NFATC1: variants seen among roughly 807,000 people sequenced by gnomAD.
The protein encoded by NFATC1 is nuclear factor of activated T-cells, cytoplasmic 1.
Under a neutral mutation model 76.0 loss-of-function variants are expected in NFATC1, and 22 were observed. The observed-to-expected ratio is 0.29, with a 90% confidence interval of 0.21 to 0.41. The LOEUF is 0.41. Among genes scored for constraint, NFATC1 ranks in the 10% least tolerant of loss-of-function variants. The pLI, the probability that NFATC1 is intolerant of heterozygous loss-of-function variation, is 1.00. For missense variants in NFATC1, 1,357 were observed against 1,337.7 expected, an observed-to-expected ratio of 1.01 and a Z score of -0.23; for synonymous variants, 704 against 613.1, an observed-to-expected ratio of 1.15 and a Z score of -2.19.
intron 6 of NFATC1, among the ~76,000 whole-genome samples, chr18:79,457,169 C>T (rs986989738): frequency 2.0e-5 from 3 of 152,208 alleles, no homozygotes; most frequent in Non-Finnish European, 1.5e-5. Context: ...GACAGGTGGC[C>T]GGGCTGAACC....
At chr18:79,437,491 C>T (rs567793415) in intron 3 of NFATC1, among the ~76,000 whole-genome samples, 2 of 152,340 alleles carry the variant, frequency 1.3e-5, no homozygotes, top group East Asian at 1.9e-4. Flanking sequence ...CTGCCGATGC[C>T]GGGACCTCGC....
rs57725273 is a variant in NFATC1 at position 79,518,379 on chromosome 18, G to C, written c.2783-9149G>C. The stretch of plus-strand genomic sequence containing the variant: ...GGGGCACACGCCCACAGTAGAACAT[G>C]TGGAAGCTGAGTGTGGCAGTGTAAA... On this transcript the variant is annotated intron_variant, in intron 9 of 9. Transcript: ENST00000427363. Among the ~76,000 whole-genome samples the C allele has an allele frequency of 8.3e-3, 1,269 of 152,344 alleles. 19 individuals carry two copies. The highest frequency in any genetic ancestry group is 0.029 in the African/African-American group (1,190 of 41,572).
intron 6 of NFATC1, among the ~76,000 whole-genome samples, chr18:79,454,637 G>T (rs1356844854): frequency 6.6e-6 from 1 of 152,224 alleles, no homozygotes; most frequent in Non-Finnish European, 1.5e-5. Flanking sequence ...CGGCGCAAAA[G>T]GCCGGGAGCG....
At chr18:79,482,973 GGGT>G (rs2089347444) in intron 8 of NFATC1, among the ~76,000 whole-genome samples, 1 of 142,036 alleles carries the variant, frequency 7.0e-6, no homozygotes. Context: ...CTGGTTCCTG[GGGT>G]GTAATTCTAG....
chr18:79,473,969 G>T (rs932095443), intron 8 of NFATC1, among the ~76,000 whole-genome samples: 24 of 141,274 alleles, frequency 1.7e-4, no homozygotes, highest in Non-Finnish European at 3.2e-4. Context: ...GTGTTCTCGC[G>T]CTCACTGTCG....
chr18:79,464,670 GTA>G lies in NFATC1; in HGVS notation c.1960-2776_1960-2775del, dbSNP rs1310473098. Among the ~76,000 whole-genome samples, 273 of 112,738 alleles carry G rather than the reference GTA, an allele frequency of 2.4e-3. 15 individuals carry two copies. Among genetic ancestry groups the G allele is most frequent in the African/African-American group, 8.4e-3 (211 of 25,010 alleles). The allele number at this position is 112,738 out of a possible 152,430, so 74.0% of individuals were successfully genotyped here. ...TGTTTGTGTGTGTGTGTGTGTGTGT[GTA>G]TATGTATGTGTATATATATATATTT... On this transcript the variant is annotated intron_variant, in intron 7 of 9. Transcript: ENST00000427363.
chr18:79,524,951 T>C lies in NFATC1; in HGVS notation c.2783-2577T>C, dbSNP rs2090717496. On this transcript the variant is annotated intron_variant, in intron 9 of 9. Coordinates refer to ENST00000427363, the MANE Select transcript of NFATC1 (RefSeq NM_001278669.2). This position sits in a 1 kb window ranked among gnomAD's most constrained non-coding sequence, Gnocchi z 7.2. ...AACACGATGGAGACCTCAGACGCCGTCCCCACCCTGTCACTGTCACCATCA... is the reference window on the plus strand; with the variant it reads ...AACACGATGGAGACCTCAGACGCCGCCCCCACCCTGTCACTGTCACCATCA... Among the ~76,000 whole-genome samples the C allele has an allele frequency of 6.6e-6, 1 of 151,664 alleles. No individual in the cohort carries two copies. The highest frequency in any genetic ancestry group is 2.1e-4 in the South Asian group (1 of 4,798).
intron 9 of NFATC1, among the ~76,000 whole-genome samples, chr18:79,513,362 AC>A (rs2090305626): frequency 6.6e-6 from 1 of 152,134 alleles, no homozygotes; most frequent in Non-Finnish European, 1.5e-5. Context: ...TTTCTCAAGG[AC>A]CAGGCTTGAG....
At chr18:79,515,529 G>A (rs1029836673) in intron 9 of NFATC1, among the ~76,000 whole-genome samples, 20 of 151,962 alleles carry the variant, frequency 1.3e-4, no homozygotes, top group African/African-American at 4.1e-4. Flanking sequence ...GGGACCAGGG[G>A]CGTATTGGCT....
chr18:79,511,615 G>C (rs1236333587), intron 9 of NFATC1, among the ~76,000 whole-genome samples: 1 of 152,196 alleles, frequency 6.6e-6, no homozygotes, highest in African/African-American at 2.4e-5. Context: ...GCAGGTTCAA[G>C]AGGGGCTGTG....
chr18:79,423,451 G>A lies in NFATC1; in HGVS notation c.1227-10128G>A, dbSNP rs570863486. Among the ~76,000 whole-genome samples the A allele has an allele frequency of 2.8e-4, 42 of 152,284 alleles. 1 individual carries two copies. The highest frequency in any genetic ancestry group is 1.4e-3 in the South Asian group (7 of 4,828). ...CCTGGGCTCCCTCCCATGCGGACCC[G>A]GGATCCACTTGCCCAGCCTTGGGGA... is the stretch of plus-strand genomic sequence containing the variant. On this transcript the variant is annotated intron_variant, in intron 2 of 9. Transcript: ENST00000427363.
At chr18:79,453,014 A>G (rs1209282399) in intron 6 of NFATC1, among the ~76,000 whole-genome samples, 3 of 152,346 alleles carry the variant, frequency 2.0e-5, no homozygotes, top group Non-Finnish European at 2.9e-5. Flanking sequence ...TTGGCTTCCT[A>G]TAGAATCAGG....
chr18:79,492,837 G>A (rs2089724205), intron 9 of NFATC1, among the ~76,000 whole-genome samples: 1 of 144,786 alleles, frequency 6.9e-6, no homozygotes, highest in Non-Finnish European at 1.5e-5. Flanking sequence ...CCTCGCCACT[G>A]CACTCCAGCC....
At chr18:79,474,765 GCTCA>G (rs1449367100) in intron 8 of NFATC1, among the ~76,000 whole-genome samples, 1 of 143,672 alleles carries the variant, frequency 7.0e-6, no homozygotes, top group African/African-American at 2.6e-5. Context: ...GTGTTCTCAC[GCTCA>G]CTGTCGACGT....
chr18:79,523,367 T>TA (rs1569056777), intron 9 of NFATC1, among the ~76,000 whole-genome samples: 1 of 152,226 alleles, frequency 6.6e-6, no homozygotes, highest in African/African-American at 2.4e-5. Flanking sequence ...GCGTGAAACT[T>TA]AAGAGGTGAA....
intron 1 of NFATC1, among the ~76,000 whole-genome samples, chr18:79,400,810 T>TCCCGCCCTCCCCGCCCCCCCGCCCCCTCC (rs2085188142): frequency 2.2e-4 from 1 of 4,486 alleles, no homozygotes; most frequent in Admixed American, 2.5e-3. Flanking sequence ...CGTCCCGCCC[T>TCCCGCCCTCCCCGCCCCCCCGCCCCCTCC]CCCGACCTCC....
At position 79,433,642 on chromosome 18, in the gene NFATC1, T is replaced by C. The variant is rs745386042; in HGVS notation, c.1290T>C (p.Ile430=). The change falls in exon 3 of 10, where the codon ATT becomes ATC. Residue 430 remains isoleucine (I), a synonymous_variant. Coordinates refer to ENST00000427363, the MANE Select transcript of NFATC1 (RefSeq NM_001278669.2). ...PSHSGPYELR[I]EVQPKSHHRA... is the part of the protein sequence containing the mutation. ...ACTCAGGCCCGTATGAGCTTCGGATTGAGGTGCAGCCCAAGTCCCACCACC... is the reference window on the plus strand; with the variant it reads ...ACTCAGGCCCGTATGAGCTTCGGATCGAGGTGCAGCCCAAGTCCCACCACC... 4.3e-6 allele frequency: 7 copies of C among 1,612,946 alleles called. No homozygotes were observed. In the African/African-American group the frequency reaches 8.0e-5, roughly 18 times the overall value.
In NFATC1 at chr18:79,396,250, C is replaced by T. The variant is rs866988484; in HGVS notation, c.26C>T (p.Pro9Leu). Residue 9 changes from proline to leucine, a missense_variant, in exon 1 of 10, where the codon CCT becomes CTT. Around this residue, in one of 3 missense-constraint regions of NFATC1, gnomAD observed 691 missense variants for 613.1 expected, o/e 1.13. Coordinates refer to ENST00000427363, the MANE Select transcript of NFATC1 (RefSeq NM_001278669.2). MPSTSFPV[P>L]SKFPLGPAAA... Reference sequence around the variant, plus strand: ...ATGCCAAGCACCAGCTTTCCAGTCCCTTCCAAGTTTCCACTTGGCCCTGCG... The same window carrying T: ...ATGCCAAGCACCAGCTTTCCAGTCCTTTCCAAGTTTCCACTTGGCCCTGCG... 7 of 1,499,482 alleles carry T rather than the reference C, an allele frequency of 4.7e-6. No individual in the cohort carries two copies. Among genetic ancestry groups the T allele is most frequent in the Non-Finnish European group, 6.3e-6 (7 of 1,117,520 alleles). 92.9% of individuals were successfully genotyped at this position (1,499,482 alleles called of 1,614,324 possible).
chr18:79,487,800 C>G (rs1203310981), intron 9 of NFATC1, among the ~76,000 whole-genome samples: 1 of 150,932 alleles, frequency 6.6e-6, no homozygotes, highest in Non-Finnish European at 1.5e-5. Context: ...TTTTCTGGCC[C>G]TGCGGTTTGT....
Sources: gnomAD v4.1 joint callset for allele counts (sites outside exome capture counted in the v4.1 genomes callset) on GRCh38, gnomAD v4.1.1 for gene constraint, gnomAD v4.1.1 regional missense constraint, Gnocchi (gnomAD v3.1) non-coding constraint, MANE v1.5 for transcripts, NCBI Gene and HGNC (gene_info 2026-07-23, HGNC 2026-07-21) for gene names.